The following SEZ6L variants were observed in gnomAD, a reference collection of about 807,000 sequenced individuals.
The protein encoded by SEZ6L is seizure related 6 homolog like, also known as seizure 6-like protein.
A neutral mutation model predicts 106.2 loss-of-function variants in SEZ6L; 37 were observed. The observed-to-expected ratio is 0.35, with a 90% CI of 0.27 to 0.46. The LOEUF (loss-of-function observed/expected upper bound fraction) is 0.46, where lower values mean the gene tolerates loss of function less well. SEZ6L is among the 20% of genes least tolerant of loss of function. The pLI is 1.00. For missense variants in SEZ6L, 1,172 were observed against 1,332.8 expected, an observed-to-expected ratio of 0.88 and a Z score of 1.88; for synonymous variants, 541 against 570.4, an observed-to-expected ratio of 0.95 and a Z score of 0.73.
chr22:26,205,476 AT>A (rs1267045143), intron 1 of SEZ6L, among the ~76,000 whole-genome samples: 1 of 152,200 alleles, frequency 6.6e-6, no homozygotes, highest in Non-Finnish European at 1.5e-5. Context: ...CCTTGCTTCA[AT>A]TCAGTTTTGC....
intron 15 of SEZ6L, among the ~76,000 whole-genome samples, chr22:26,376,224 G>A (rs911615497): frequency 1.3e-5 from 2 of 152,072 alleles, no homozygotes; most frequent in Non-Finnish European, 2.9e-5. Flanking sequence ...AAAATAGAAG[G>A]AAATATTTGC....
In SEZ6L at chr22:26,382,002, A is replaced by C; in HGVS notation, c.*1707A>C. ...AAGCAAGATAGGGAAAGTTGATTTTAGGCACACATGTACCCTCCTTGACAG... is the reference window on the plus strand; with the variant it reads ...AAGCAAGATAGGGAAAGTTGATTTTCGGCACACATGTACCCTCCTTGACAG... On this transcript the variant is annotated 3_prime_UTR_variant, in exon 17 of 17. Transcript: ENST00000248933. The C allele has an allele frequency of 1.9e-6, 1 of 518,458 alleles. No homozygotes were observed. Among genetic ancestry groups the C allele is most frequent in the Non-Finnish European group, 3.9e-6 (1 of 259,598 alleles). The allele number at this position is 518,458 out of a possible 1,614,324, so 32.1% of individuals were successfully genotyped here. A position where few individuals can be genotyped will look rare whatever the true frequency, so the allele number is the denominator to read the frequency against.
At chr22:26,279,589 A>G (rs190326014) in intron 1 of SEZ6L, among the ~76,000 whole-genome samples, 1 of 152,278 alleles carries the variant, frequency 6.6e-6, no homozygotes, top group East Asian at 1.9e-4. Flanking sequence ...AGAACAACTG[A>G]TCTTTGAGAA....
At chr22:26,178,870 C>T (rs1939201256) in intron 1 of SEZ6L, among the ~76,000 whole-genome samples, 4 of 152,176 alleles carry the variant, frequency 2.6e-5, no homozygotes, top group South Asian at 4.1e-4. Context: ...ACTGATGGAC[C>T]GAGCTGATTC....
At chr22:26,264,289 T>C (rs2080108196) in intron 1 of SEZ6L, among the ~76,000 whole-genome samples, 1 of 152,222 alleles carries the variant, frequency 6.6e-6, no homozygotes, top group Admixed American at 6.5e-5. Flanking sequence ...GTCAGGGCCC[T>C]CTCTGGTCAG....
At chr22:26,195,513 C>T (rs921439777) in intron 1 of SEZ6L, among the ~76,000 whole-genome samples, 1 of 152,088 alleles carries the variant, frequency 6.6e-6, no homozygotes, top group Non-Finnish European at 1.5e-5. Flanking sequence ...TGGCACTGTG[C>T]TTGGAATGTA....
At chr22:26,337,694 A>G (rs946036059) in intron 9 of SEZ6L, among the ~76,000 whole-genome samples, 14 of 152,146 alleles carry the variant, frequency 9.2e-5, no homozygotes, top group African/African-American at 3.4e-4. Context: ...CTGGTTAAAA[A>G]CTGTCAGGGG....
chr22:26,349,909 T>C (rs185689165), intron 11 of SEZ6L, among the ~76,000 whole-genome samples: 2 of 152,324 alleles, frequency 1.3e-5, no homozygotes, highest in African/African-American at 2.4e-5. Flanking sequence ...TCCTTTTATC[T>C]ATATTGATTT....
intron 12 of SEZ6L, among the ~76,000 whole-genome samples, chr22:26,354,507 C>T (rs2083377049): frequency 6.6e-6 from 1 of 152,144 alleles, no homozygotes; most frequent in African/African-American, 2.4e-5. Context: ...GTTTGTGGTC[C>T]TTTGTCAAGG....
chr22:26,286,372 T>G (rs2080933277), intron 1 of SEZ6L, among the ~76,000 whole-genome samples: 1 of 152,236 alleles, frequency 6.6e-6, no homozygotes, highest in Non-Finnish European at 1.5e-5. Flanking sequence ...TTTATTTCAT[T>G]TAAGAAAGTC....
chr22:26,233,808 T>G (rs1233456145), intron 1 of SEZ6L, among the ~76,000 whole-genome samples: 1 of 152,030 alleles, frequency 6.6e-6, no homozygotes. Context: ...GGGAAGAGGG[T>G]AAATGTGGTT....
At chr22:26,297,743 C>A (rs2081341661) in intron 4 of SEZ6L, among the ~76,000 whole-genome samples, 1 of 150,990 alleles carries the variant, frequency 6.6e-6, no homozygotes, top group Non-Finnish European at 1.5e-5. Flanking sequence ...CTCCTTCCTT[C>A]TCTTCTCCTC....
At chr22:26,251,616 C>T (rs1336209157) in intron 1 of SEZ6L, among the ~76,000 whole-genome samples, 2 of 152,094 alleles carry the variant, frequency 1.3e-5, no homozygotes, top group East Asian at 1.9e-4. Context: ...CATTCTAATC[C>T]CATCTTGGTT....
At chr22:26,249,954 C>T (rs2079512697) in intron 1 of SEZ6L, among the ~76,000 whole-genome samples, 2 of 152,114 alleles carry the variant, frequency 1.3e-5, no homozygotes, top group Admixed American at 1.3e-4. Flanking sequence ...TACCTGTTGG[C>T]CATTTACATG....
chr22:26,306,228 C>A, intron 6 of SEZ6L, 84 bp downstream of exon 6: 2 of 1,475,262 alleles, frequency 1.4e-6, no homozygotes, highest in East Asian at 2.3e-5. Flanking sequence ...CTTGAAATGG[C>A]TGAAGCTTTG....
chr22:26,301,514 G>A (rs1230065849), intron 5 of SEZ6L, among the ~76,000 whole-genome samples: 2 of 152,214 alleles, frequency 1.3e-5, no homozygotes, highest in Non-Finnish European at 2.9e-5. Flanking sequence ...TAAGGACCAG[G>A]AAAGAAATTC....
intron 13 of SEZ6L, 127 bp downstream of exon 13, chr22:26,365,693 T>A: frequency 1.3e-6 from 1 of 762,912 alleles, no homozygotes; most frequent in Non-Finnish European, 2.0e-6. Context: ...GGCAACATAG[T>A]GAGACCCCCA....
intron 9 of SEZ6L, among the ~76,000 whole-genome samples, chr22:26,338,684 C>G (rs560591116): frequency 1.3e-5 from 2 of 151,990 alleles, no homozygotes; most frequent in Admixed American, 1.3e-4. Context: ...CTCAGCCTCC[C>G]GAGTAGCTGG....
chr22:26,297,714 C>G (rs1322844219), intron 4 of SEZ6L, among the ~76,000 whole-genome samples: 7 of 152,096 alleles, frequency 4.6e-5, no homozygotes, highest in Non-Finnish European at 1.5e-5. Context: ...GTTCATTCCT[C>G]TCTTCTCTTA....
Sources: gnomAD v4.1 joint callset for allele counts (sites outside exome capture counted in the v4.1 genomes callset) on GRCh38, gnomAD v4.1.1 for gene constraint, MANE v1.5 for transcripts, NCBI Gene and HGNC (gene_info 2026-07-23, HGNC 2026-07-21) for gene names.